TNRC6B: variants seen among roughly 807,000 people sequenced by gnomAD.
The protein encoded by TNRC6B is trinucleotide repeat-containing gene 6B protein.
In TNRC6B, 52 loss-of-function variants were observed where a neutral mutation model predicts 203.6. The observed-to-expected ratio is 0.26, with a 90% CI of 0.20 to 0.32. TNRC6B has a LOEUF of 0.32. TNRC6B is among the 10% of genes least tolerant of loss of function. The pLI, the probability that TNRC6B is intolerant of heterozygous loss-of-function variation, is 1.00. For missense variants in TNRC6B, 1,923 were observed against 2,286.2 expected (o/e 0.84, Z 3.24); for synonymous variants, 838 against 845.7 (o/e 0.99, Z 0.16).
intron 1 of TNRC6B, among the ~76,000 whole-genome samples, chr22:40,237,735 G>T (rs1376195054): frequency 6.6e-6 from 1 of 152,106 alleles, no homozygotes; most frequent in Non-Finnish European, 1.5e-5. Flanking sequence ...CTTTCTTTAT[G>T]GAGGAGTCTG....
chr22:40,073,276 A>C (rs1011435088), intron 1 of TNRC6B, among the ~76,000 whole-genome samples: 1 of 151,474 alleles, frequency 6.6e-6, no homozygotes, highest in Admixed American at 6.6e-5. Flanking sequence ...TGCAGAGTGT[A>C]ATATAGAACA....
At chr22:40,197,606 CTTT>C (rs10715847) in intron 1 of TNRC6B, among the ~76,000 whole-genome samples, 8 of 139,396 alleles carry the variant, frequency 5.7e-5, no homozygotes, top group African/African-American at 5.3e-5. Flanking sequence ...TTTTCTTTTT[CTTT>C]TTTTTTTTTT....
chr22:40,133,600 G>T lies in TNRC6B; in HGVS notation c.45+7738G>T, dbSNP rs530125756. ...GGCATTGTAGAAAGACGGGTTTCAT[G>T]GTTTTTATTGGTTTGTTGTTGAATG... is the stretch of plus-strand genomic sequence containing the variant. On this transcript the variant is annotated intron_variant, in intron 3 of 23. Transcript: ENST00000301923. Among the ~76,000 whole-genome samples, 10 of 152,200 alleles carry T rather than the reference G, an allele frequency of 6.6e-5. No homozygotes were observed. In the South Asian group the frequency reaches 2.1e-3, roughly 32 times the overall value.
chr22:40,132,969 A>AAAATATATAT (rs1282694632), intron 3 of TNRC6B, among the ~76,000 whole-genome samples: 24 of 78,188 alleles, frequency 3.1e-4, no homozygotes, highest in African/African-American at 8.7e-4. Flanking sequence ...AAAAAAAAAA[A>AAAATATATAT]ATATATATAT....
chr22:40,080,545 T>G (rs2068056060), intron 1 of TNRC6B, among the ~76,000 whole-genome samples: 1 of 152,158 alleles, frequency 6.6e-6, no homozygotes, highest in African/African-American at 2.4e-5. Flanking sequence ...ACATTGAAGA[T>G]TACATCTGCA....
At chr22:40,106,539 CAATCA>C in intron 1 of TNRC6B, 1 of 734,686 alleles carries the variant, frequency 1.4e-6, no homozygotes, top group Non-Finnish European at 2.5e-6. Context: ...AGAGATCGAG[CAATCA>C]AAGTGTTATC....
intron 12 of TNRC6B, among the ~76,000 whole-genome samples, chr22:40,289,028 G>A (rs2070831420): frequency 6.6e-6 from 1 of 151,606 alleles, no homozygotes; most frequent in Admixed American, 6.6e-5. Flanking sequence ...TGGCCAAGCT[G>A]GTCTGGGACT....
intron 4 of TNRC6B, among the ~76,000 whole-genome samples, chr22:40,163,904 T>A (rs946994823): frequency 4.6e-5 from 7 of 152,074 alleles, no homozygotes; most frequent in Non-Finnish European, 1.0e-4. Context: ...GGTTAAAGCT[T>A]TATGCTAGAT....
chr22:40,191,974 C>G (rs974330930), intron 1 of TNRC6B, among the ~76,000 whole-genome samples: 4 of 152,218 alleles, frequency 2.6e-5, no homozygotes, highest in Non-Finnish European at 5.9e-5. Flanking sequence ...TGGTCTCAAA[C>G]TCCTGACCTC....
intron 1 of TNRC6B, among the ~76,000 whole-genome samples, chr22:40,066,577 C>A (rs1159323643): frequency 6.6e-6 from 1 of 152,096 alleles, no homozygotes; most frequent in Non-Finnish European, 1.5e-5. Context: ...AATAAGGCAG[C>A]TTTCCTTGTG....
At chr22:40,321,653 G>A (rs1018139472) in intron 22 of TNRC6B, 8 of 168,030 alleles carry the variant, frequency 4.8e-5, no homozygotes, top group South Asian at 3.2e-4. Context: ...AGGCGTGGGG[G>A]CGCATGCCTG....
chr22:40,075,538 A>T (rs1285495297), intron 1 of TNRC6B, among the ~76,000 whole-genome samples: 2 of 151,662 alleles, frequency 1.3e-5, no homozygotes, highest in Non-Finnish European at 2.9e-5. Flanking sequence ...TTTATTTTAG[A>T]TAGTAGATAG....
At chr22:40,261,276 A>G (rs1286915259) in intron 3 of TNRC6B, among the ~76,000 whole-genome samples, 1 of 151,702 alleles carries the variant, frequency 6.6e-6, no homozygotes, top group Non-Finnish European at 1.5e-5. Context: ...GCAAGACCTC[A>G]TCTCAAAAAA....
At chr22:40,112,100 A>G (rs1177283136) in intron 1 of TNRC6B, among the ~76,000 whole-genome samples, 1 of 152,194 alleles carries the variant, frequency 6.6e-6, no homozygotes, top group Non-Finnish European at 1.5e-5. Context: ...ACTCCCTCTC[A>G]AAAAAGAGAA....
At chr22:40,177,452 C>T (rs897639696), upstream of TNRC6B, among the ~76,000 whole-genome samples, 1 of 152,158 alleles carries the variant, frequency 6.6e-6, no homozygotes, top group Non-Finnish European at 1.5e-5. Context: ...GCGTTTCTTT[C>T]AGTCTTTTTC....
intron 1 of TNRC6B, among the ~76,000 whole-genome samples, chr22:40,209,453 T>C (rs1412487516): frequency 6.6e-6 from 1 of 152,158 alleles, no homozygotes; most frequent in Non-Finnish European, 1.5e-5. Context: ...GATTCACGCC[T>C]CATCTCTGCA....
At chr22:40,253,702 T>G (rs894980349) in intron 3 of TNRC6B, 4 of 456,302 alleles carry the variant, frequency 8.8e-6, no homozygotes, top group African/African-American at 8.0e-5. Flanking sequence ...CAGTTGTCCC[T>G]GGGGTATGTT....
intron 3 of TNRC6B, among the ~76,000 whole-genome samples, chr22:40,127,929 T>C (rs2068508450): frequency 6.6e-6 from 1 of 152,174 alleles, no homozygotes; most frequent in Non-Finnish European, 1.5e-5. Context: ...AGAGAAGGTA[T>C]AATTGGGAGA....
intron 4 of TNRC6B, among the ~76,000 whole-genome samples, chr22:40,169,646 C>T (rs1479351779): frequency 6.6e-6 from 1 of 152,154 alleles, no homozygotes; most frequent in Non-Finnish European, 1.5e-5. Flanking sequence ...TTTCTTCCTG[C>T]TTCTCTTGAT....
Sources: gnomAD v4.1 joint callset for allele counts (sites outside exome capture counted in the v4.1 genomes callset) on GRCh38, gnomAD v4.1.1 for gene constraint, MANE v1.5 for transcripts, NCBI Gene and HGNC (gene_info 2026-07-23, HGNC 2026-07-21) for gene names.